SPON2: variants seen among roughly 807,000 people sequenced by gnomAD.
SPON2 encodes the protein spondin-2.
In SPON2, 32 loss-of-function variants were observed where a neutral mutation model predicts 29.9. That is an observed-to-expected ratio of 1.07 (90% CI 0.81 to 1.44). The LOEUF (loss-of-function observed/expected upper bound fraction) is 1.44, where lower values mean the gene tolerates loss of function less well. Among genes scored for constraint, SPON2 ranks in the 40% most tolerant of loss-of-function variants. The pLI is 0.00. For synonymous variants in SPON2, 248 were observed against 209.1 expected (o/e 1.19, Z -1.61); for missense variants, 541 against 455.5 (o/e 1.19, Z -1.71).
chr4:1,178,075 C>A (rs12505896), upstream of SPON2, among the ~76,000 whole-genome samples: 24 of 133,974 alleles, frequency 1.8e-4, no homozygotes, highest in East Asian at 1.4e-3. Flanking sequence ...GGCCTCCCTC[C>A]GGCCAGACAC....
intron 4 of SPON2, chr4:1,170,790 G>A (rs1560201043): frequency 2.1e-6 from 2 of 950,528 alleles, no homozygotes; most frequent in South Asian, 2.8e-5. Context: ...GCGTCCCGCT[G>A]TCCTCCCTGC....
intron 1 of SPON2, among the ~76,000 whole-genome samples, chr4:1,204,469 T>C (rs1238056463): frequency 6.6e-6 from 1 of 152,214 alleles, no homozygotes. Context: ...AAACGTCCTT[T>C]TGGCGTGTCT....
At chr4:1,185,907 T>C (rs1472301685) in intron 1 of SPON2, among the ~76,000 whole-genome samples, 2 of 151,710 alleles carry the variant, frequency 1.3e-5, no homozygotes, top group Admixed American at 6.6e-5. Context: ...AAGAAGAAAA[T>C]AGACAAAGTG....
rs1261435983 is a variant in SPON2, at chr4:1,171,359, C to T, written c.348G>A (p.Ala116=). 5.0e-6 allele frequency: 8 copies of T among 1,611,002 alleles called. No homozygotes were observed. Among genetic ancestry groups the T allele is most frequent in the Non-Finnish European group, 6.8e-6 (8 of 1,179,582 alleles). ...AAAACACCGCGTGCACGCTCTGCAGCGCCTCCCCCGCCGCCTCGATCTCCT... is the reference window on the plus strand; with the variant it reads ...AAAACACCGCGTGCACGCTCTGCAGTGCCTCCCCCGCCGCCTCGATCTCCT... ...LMKEIEAAGE[A]LQSVHAVFSA... Residue 116 remains alanine, a synonymous_variant, in exon 3 of 6, where the codon GCG becomes GCA. Transcript: ENST00000290902.
chr4:1,178,370 G>A (rs1407218890), intron 2 of SPON2, among the ~76,000 whole-genome samples: 9 of 151,810 alleles, frequency 5.9e-5, no homozygotes, highest in Non-Finnish European at 8.8e-5. Flanking sequence ...CGCAGGGATG[G>A]GGCCACATGG....
upstream of SPON2, among the ~76,000 whole-genome samples, chr4:1,175,401 T>C (rs572730116): frequency 3.7e-4 from 56 of 152,352 alleles, no homozygotes; most frequent in African/African-American, 1.3e-3. Flanking sequence ...GCAGGAGCTG[T>C]TCTCCCAGCC....
At chr4:1,197,263 A>C (rs767448461), upstream of SPON2, 2 of 152,234 alleles carry the variant, frequency 1.3e-5, no homozygotes, top group Non-Finnish European at 1.5e-5. Context: ...CGATAAGTCC[A>C]TGTCTGTTGT....
At chr4:1,171,793 G>T in intron 2 of SPON2, 59 bp downstream of exon 2, 1 of 1,154,542 alleles carries the variant, frequency 8.7e-7, no homozygotes. Context: ...GCTGTGCGGG[G>T]GGCTCCGGCG....
intron 5 of SPON2, 137 bp from the exon 6 acceptor site, chr4:1,167,793 A>T: frequency 1.1e-6 from 1 of 907,986 alleles, no homozygotes; most frequent in Non-Finnish European, 1.6e-6. Flanking sequence ...GTTTCTCCGC[A>T]CAGTCGCAGA....
At position 1,167,463 on chromosome 4, in the gene SPON2, G is replaced by C. The variant is rs371056931; in HGVS notation, c.*9C>G. The C allele has an allele frequency of 1.2e-4, 186 of 1,610,208 alleles. No homozygotes were observed. Among genetic ancestry groups the C allele is most frequent in the Non-Finnish European group, 1.5e-4 (182 of 1,178,098 alleles). ...TCCGGGGGGCCCCAGGGGCTGCGGG[G>C]CTCTGGTCTTAGACGCAGTTATCAG... On this transcript the variant is annotated 3_prime_UTR_variant, in exon 6 of 6. Transcript: ENST00000290902.
chr4:1,207,049 G>C (rs1319132865), intron 1 of SPON2, among the ~76,000 whole-genome samples: 2 of 149,842 alleles, frequency 1.3e-5, no homozygotes, highest in Non-Finnish European at 3.0e-5. Flanking sequence ...GGCGGGTGGG[G>C]AGCACGGGGA....
chr4:1,171,551 G>C, intron 2 of SPON2, 65 bp from the exon 3 acceptor site: 21 of 1,519,196 alleles, frequency 1.4e-5, no homozygotes, highest in East Asian at 2.3e-5. Flanking sequence ...TGGATTCCAG[G>C]GGGCGCCCCA....
chr4:1,207,369 TG>T (rs1046008222), intron 1 of SPON2, among the ~76,000 whole-genome samples: 12 of 152,250 alleles, frequency 7.9e-5, no homozygotes, highest in African/African-American at 2.6e-4. Flanking sequence ...CACCCCCAGC[TG>T]GAGCCAGCTT....
upstream of SPON2, among the ~76,000 whole-genome samples, chr4:1,197,698 G>GT (rs74375147): frequency 0.96 from 145,687 of 152,194 alleles, 70,053 homozygotes; most frequent in East Asian, 1. Flanking sequence ...AGAAATGATT[G>GT]TTTTCTGAAA....
At chr4:1,186,067 A>AC (rs1177854774) in intron 1 of SPON2, among the ~76,000 whole-genome samples, 3 of 144,272 alleles carry the variant, frequency 2.1e-5, no homozygotes, top group African/African-American at 7.3e-5. Context: ...ACACGGTGAA[A>AC]CCCCATCTCT....
rs115951390 is a variant in SPON2 at position 1,203,167 on chromosome 4, G to A, written c.-234+4713C>T. Among the ~76,000 whole-genome samples, 921 of 152,308 alleles carry A rather than the reference G, an allele frequency of 6.0e-3. 5 individuals are homozygous for A. The highest frequency in any genetic ancestry group is 9.9e-3 in the Non-Finnish European group (672 of 68,026). ...GGACTCCCCAGCTTGAGAACTACAG[G>A]AAATAAATTTCTGTTGCTTATAAAT... On this transcript the variant is annotated intron_variant, in intron 1 of 3. Transcript: ENST00000509233.
chr4:1,176,441 A>C (rs1727595767), upstream of SPON2, among the ~76,000 whole-genome samples: 1 of 151,718 alleles, frequency 6.6e-6, no homozygotes, highest in Admixed American at 6.6e-5. Flanking sequence ...TAGTACATTC[A>C]TTCATTCACT....
intron 4 of SPON2, 171 bp downstream of exon 4, chr4:1,170,828 A>G (rs754437604): frequency 1.9e-6 from 2 of 1,049,976 alleles, no homozygotes; most frequent in Non-Finnish European, 2.9e-6. Flanking sequence ...TTGGGAGAGT[A>G]TGGGAGGGCT....
chr4:1,194,915 C>T lies in SPON2; in HGVS notation c.-239+75G>A, dbSNP rs1408884418. 3 of 149,410 alleles carry T rather than the reference C, an allele frequency of 2.0e-5. 1 individual carries two copies. The highest frequency in any genetic ancestry group is 4.5e-5 in the Non-Finnish European group (3 of 67,398). The allele number at this position is 149,410 out of a possible 1,614,324, so 9.3% of individuals were successfully genotyped here. On this transcript the variant is annotated intron_variant, in intron 1 of 3. Transcript: ENST00000502483. Reference sequence around the variant, plus strand: ...CAGCCGGCGACTCCAACCCCGCAGCCGGCGGCTCCAACCCCGCAGCCGGCG... The same window carrying T: ...CAGCCGGCGACTCCAACCCCGCAGCTGGCGGCTCCAACCCCGCAGCCGGCG...
Sources: gnomAD v4.1 joint callset for allele counts (sites outside exome capture counted in the v4.1 genomes callset) on GRCh38, gnomAD v4.1.1 for gene constraint, MANE v1.5 for transcripts, NCBI Gene and HGNC (gene_info 2026-07-23, HGNC 2026-07-21) for gene names.